FAM151B: variants seen among roughly 807,000 people sequenced by gnomAD.
FAM151B encodes protein FAM151B.
A neutral mutation model predicts 31.2 loss-of-function variants in FAM151B; 24 were observed. That is an observed-to-expected ratio of 0.77 (90% CI 0.56 to 1.08). The LOEUF is 1.08. Ranked by LOEUF, FAM151B falls within the 50% of genes least tolerant of loss-of-function variation. The probability of loss-of-function intolerance (pLI) is 0.00; values close to 1 mark genes in which losing one functional copy is unlikely to be tolerated. For missense variants in FAM151B, 293 were observed against 328.6 expected (o/e 0.89, Z 0.84); for synonymous variants, 105 against 111.4 (o/e 0.94, Z 0.36).
chr5:80,516,676 A>G (rs1458756597), intron 3 of FAM151B, among the ~76,000 whole-genome samples: 1 of 152,230 alleles, frequency 6.6e-6, no homozygotes, highest in Non-Finnish European at 1.5e-5. Context: ...AAGCTTTGGT[A>G]CTTCCTTATG....
intron 5 of FAM151B, among the ~76,000 whole-genome samples, chr5:80,539,881 C>A (rs987654427): frequency 2.0e-5 from 3 of 151,966 alleles, no homozygotes; most frequent in African/African-American, 7.3e-5. Flanking sequence ...CAAAAACTAC[C>A]ACATCTCCTT....
chr5:80,502,325 A>G (rs1743778270), intron 2 of FAM151B, among the ~76,000 whole-genome samples: 2 of 152,138 alleles, frequency 1.3e-5, no homozygotes, highest in Non-Finnish European at 2.9e-5. Context: ...CTCATATATT[A>G]TTATATTTTC....
At chr5:80,525,548 A>G (rs984917825) in intron 5 of FAM151B, among the ~76,000 whole-genome samples, 5 of 152,308 alleles carry the variant, frequency 3.3e-5, no homozygotes, top group African/African-American at 1.2e-4. Context: ...ATCTGTCTCC[A>G]AACAGTCCAG....
chr5:80,502,561 G>A (rs1438466213), intron 2 of FAM151B, among the ~76,000 whole-genome samples: 9 of 152,274 alleles, frequency 5.9e-5, no homozygotes, highest in African/African-American at 1.9e-4. Context: ...ATCATTGTAT[G>A]TATATCCCTT....
At position 80,541,905 on chromosome 5, in the gene FAM151B, A is replaced by G. The variant is rs905330027; in HGVS notation, c.*73A>G. ...TCTCCATTGGTCTGAATTAATTACC[A>G]TATAAATTATGGTTATTGATTGACG... On this transcript the variant is annotated 3_prime_UTR_variant, in exon 6 of 6. Coordinates refer to ENST00000282226, the MANE Select transcript of FAM151B (RefSeq NM_205548.3). 19 of 1,446,876 alleles carry G rather than the reference A, an allele frequency of 1.3e-5. No homozygotes were observed. Among genetic ancestry groups the G allele is most frequent in the Non-Finnish European group, 1.7e-5 (18 of 1,070,802 alleles). 89.6% of individuals were successfully genotyped at this position (1,446,876 alleles called of 1,614,324 possible).
Position 80,527,384 on chromosome 5 carries a change from C to T in FAM151B, c.671+5246C>T, listed in dbSNP as rs546153204. On this transcript the variant is annotated intron_variant, in intron 5 of 5. Transcript: ENST00000282226. ...GTTGTAGTGAGCCGAGGTCATGCCA[C>T]TGCACTTCAGCCTGGGTGGCAGAGC... Among the ~76,000 whole-genome samples the T allele has an allele frequency of 3.3e-5, 5 of 151,678 alleles. No individual in the cohort carries two copies. The South Asian group carries it at 6.2e-4, about 19-fold the overall frequency.
In FAM151B at chr5:80,519,765, T is replaced by A. The variant is rs1173671378; in HGVS notation, c.390T>A (p.Ile130=). The A allele has an allele frequency of 1.7e-5, 27 of 1,614,038 alleles. No homozygotes were observed. Among genetic ancestry groups the A allele is most frequent in the Non-Finnish European group, 2.3e-5 (27 of 1,180,036 alleles). Residue 130 remains isoleucine (I), a synonymous_variant, in exon 4 of 6, where the codon ATT becomes ATA. Transcript: ENST00000282226. ...GGCATCTGAAGCGTCCTGTATGGATTAATGCCGATATTCTTCCTGGTCCAA... is the reference window on the plus strand; with the variant it reads ...GGCATCTGAAGCGTCCTGTATGGATAAATGCCGATATTCTTCCTGGTCCAA... The part of the protein sequence containing the change: ...VKRHLKRPVW[I]NADILPGPNG...
intron 1 of FAM151B, among the ~76,000 whole-genome samples, chr5:80,488,632 A>G (rs914606100): frequency 2.0e-5 from 3 of 152,116 alleles, no homozygotes; most frequent in Admixed American, 6.5e-5. Context: ...AGGTGCTTCA[A>G]CTCGCGGGAC....
chr5:80,488,223 G>A lies in FAM151B; in HGVS notation c.25+75G>A, dbSNP rs1580402456. On this transcript the variant is annotated intron_variant, in intron 1 of 5. Coordinates refer to ENST00000282226, the MANE Select transcript of FAM151B (RefSeq NM_205548.3). ...GCTCCGCCGGCCGTACCCTCCCTTTGCGGGCTCCCGCGGTCTTCCTTGCTA... is the reference window on the plus strand; with the variant it reads ...GCTCCGCCGGCCGTACCCTCCCTTTACGGGCTCCCGCGGTCTTCCTTGCTA... 1.1e-5 allele frequency: 16 copies of A among 1,478,316 alleles called. No homozygotes were observed. In the South Asian group the frequency reaches 2.0e-4, roughly 19 times the overall value. 91.6% of individuals were successfully genotyped at this position (1,478,316 alleles called of 1,614,324 possible).
chr5:80,539,071 AT>A (rs1745751967), intron 5 of FAM151B, among the ~76,000 whole-genome samples: 1 of 130,530 alleles, frequency 7.7e-6, no homozygotes, highest in Non-Finnish European at 1.6e-5. Flanking sequence ...TCCTAGGTGT[AT>A]GATATTTATG....
intron 2 of FAM151B, among the ~76,000 whole-genome samples, chr5:80,507,017 G>A (rs1285379176): frequency 6.6e-6 from 1 of 151,812 alleles, no homozygotes; most frequent in Non-Finnish European, 1.5e-5. Context: ...TATTTGGGAG[G>A]CTGAGGCAGG....
intron 2 of FAM151B, among the ~76,000 whole-genome samples, chr5:80,511,479 AT>A (rs1316478737): frequency 6.7e-6 from 1 of 149,428 alleles, no homozygotes; most frequent in Non-Finnish European, 1.5e-5. Context: ...GAAAGCAACT[AT>A]TTATTGCAGT....
At chr5:80,537,918 T>G (rs1745596119) in intron 5 of FAM151B, among the ~76,000 whole-genome samples, 1 of 149,580 alleles carries the variant, frequency 6.7e-6, no homozygotes, top group Non-Finnish European at 1.5e-5. Context: ...CTTAATAGAA[T>G]AAAGACTTAC....
intron 5 of FAM151B, among the ~76,000 whole-genome samples, chr5:80,538,445 T>TC (rs1561383495): frequency 1.2e-4 from 6 of 48,446 alleles, no homozygotes; most frequent in African/African-American, 4.8e-4. Flanking sequence ...TCTTTCTTTC[T>TC]TTCTCTTTCT....
intron 5 of FAM151B, among the ~76,000 whole-genome samples, chr5:80,532,346 C>T (rs1745281811): frequency 1.3e-5 from 2 of 151,884 alleles, no homozygotes; most frequent in Non-Finnish European, 2.9e-5. Context: ...TGTGCACATG[C>T]ACCCTAGAAC....
intron 4 of FAM151B, among the ~76,000 whole-genome samples, chr5:80,520,195 C>T (rs2112641159): frequency 6.6e-6 from 1 of 152,130 alleles, no homozygotes; most frequent in South Asian, 2.1e-4. Flanking sequence ...TATAATTTTC[C>T]AGATTTTAAA....
chr5:80,536,160 A>AGTTTT lies in FAM151B; in HGVS notation c.672-5492_672-5488dup, dbSNP rs530043440. ...CGAGGGTTTTAGTTTAGTTTAGTTT[A>AGTTTT]GTTTTGTTTTGTTTTGTTTTGTTTT... On this transcript the variant is annotated intron_variant, in intron 5 of 5. Coordinates refer to ENST00000282226, the MANE Select transcript of FAM151B (RefSeq NM_205548.3). Among the ~76,000 whole-genome samples the AGTTTT allele has an allele frequency of 7.6e-3, 1,072 of 141,968 alleles. 9 individuals are homozygous for AGTTTT. Among genetic ancestry groups the AGTTTT allele is most frequent in the African/African-American group, 0.02 (803 of 40,200 alleles). The allele number at this position is 141,968 out of a possible 152,430, so 93.1% of individuals were successfully genotyped here.
In FAM151B at chr5:80,519,638, T is replaced by G; in HGVS notation, c.318-55T>G. On this transcript the variant is annotated intron_variant, in intron 3 of 5. Coordinates refer to ENST00000282226, the MANE Select transcript of FAM151B (RefSeq NM_205548.3). ...ATTGAGACCACTAGTCTAAAAGAAC[T>G]TCTTTTTACTTTACCTAAAGAATCT... 3 of 1,484,276 alleles carry G rather than the reference T, an allele frequency of 2.0e-6. No homozygotes were observed. The South Asian group carries it at 3.6e-5, about 18-fold the overall frequency. 91.9% of individuals were successfully genotyped at this position (1,484,276 alleles called of 1,614,324 possible).
chr5:80,536,156 G>A (rs1168766178), intron 5 of FAM151B, among the ~76,000 whole-genome samples: 13 of 151,854 alleles, frequency 8.6e-5, no homozygotes, highest in Non-Finnish European at 2.9e-5. Context: ...GTTTAGTTTA[G>A]TTTAGTTTTG....
Sources: gnomAD v4.1 joint callset for allele counts (sites outside exome capture counted in the v4.1 genomes callset) on GRCh38, gnomAD v4.1.1 for gene constraint, MANE v1.5 for transcripts, NCBI Gene and HGNC (gene_info 2026-07-23, HGNC 2026-07-21) for gene names.